The following MARCHF6 variants were observed in gnomAD, a reference collection of about 807,000 sequenced individuals.
MARCHF6 encodes membrane associated ring-CH-type finger 6.
In MARCHF6, 31 loss-of-function variants were observed where a neutral mutation model predicts 133.7. That is an observed-to-expected ratio of 0.23 (90% CI 0.17 to 0.31). MARCHF6 has a LOEUF of 0.31. Among genes scored for constraint, MARCHF6 ranks in the 10% least tolerant of loss-of-function variants. The pLI, the probability that MARCHF6 is intolerant of heterozygous loss-of-function variation, is 1.00. For synonymous variants in MARCHF6, 395 were observed against 402.5 expected (o/e 0.98, Z 0.22); for missense variants, 723 against 1,121.6 (o/e 0.64, Z 5.08).
intron 1 of MARCHF6, among the ~76,000 whole-genome samples, chr5:10,362,207 A>G (rs942676002): frequency 6.6e-6 from 1 of 152,250 alleles, no homozygotes; most frequent in Admixed American, 6.5e-5. Flanking sequence ...AACACTTTTG[A>G]AATAGAATAT....
At chr5:10,379,926 G>GT (rs1737027229) in intron 3 of MARCHF6, among the ~76,000 whole-genome samples, 1 of 151,892 alleles carries the variant, frequency 6.6e-6, no homozygotes. Context: ...TTAAATTACC[G>GT]TTTTTTTCAT....
chr5:10,404,046 T>C (rs1378807515), intron 15 of MARCHF6, among the ~76,000 whole-genome samples: 2 of 133,664 alleles, frequency 1.5e-5, no homozygotes, highest in African/African-American at 2.5e-5. Context: ...TTTATTTATT[T>C]ATTTATTTAT....
At chr5:10,407,965 C>CCCCA (rs1739006905) in intron 17 of MARCHF6, among the ~76,000 whole-genome samples, 1 of 97,712 alleles carries the variant, frequency 1.0e-5, no homozygotes, top group African/African-American at 3.4e-5. Flanking sequence ...CCCCCCCCCC[C>CCCCA]AAAAAAAAAA....
chr5:10,432,692 G>A (rs1180172860), intron 25 of MARCHF6, among the ~76,000 whole-genome samples: 2 of 152,192 alleles, frequency 1.3e-5, no homozygotes, highest in African/African-American at 4.8e-5. Context: ...GCAGCCCTGT[G>A]GCCTTTGCCA....
At chr5:10,432,254 C>T (rs1740407639) in intron 25 of MARCHF6, among the ~76,000 whole-genome samples, 1 of 152,200 alleles carries the variant, frequency 6.6e-6, no homozygotes, top group Admixed American at 6.5e-5. Context: ...GGGCTGCATA[C>T]ACTTTCCCTT....
chr5:10,403,355 T>A, intron 14 of MARCHF6, 52 bp from the exon 15 acceptor site: 1 of 1,555,852 alleles, frequency 6.4e-7, no homozygotes. Context: ...AAATGTTAAC[T>A]TGGCAAATGT....
intron 22 of MARCHF6, among the ~76,000 whole-genome samples, chr5:10,418,078 T>G (rs144800931): frequency 6.6e-6 from 1 of 152,274 alleles, no homozygotes; most frequent in African/African-American, 2.4e-5. Flanking sequence ...AGTCACAGAT[T>G]CATTAAAAAG....
At position 10,436,957 on chromosome 5, in the gene MARCHF6, G is replaced by T. The variant is rs1032576168; in HGVS notation, c.*3273G>T. ...TTCTTTCCCTTATTCAAGTAATATA[G>T]AATAACTTTCCTTAAAATGATTTGA... is the stretch of plus-strand genomic sequence containing the variant. On this transcript the variant is annotated 3_prime_UTR_variant, in exon 26 of 26. Coordinates refer to ENST00000274140, the MANE Select transcript of MARCHF6 (RefSeq NM_005885.4). 2.0e-5 allele frequency: 3 copies of T among 152,204 alleles called. No homozygotes were observed. Among genetic ancestry groups the T allele is most frequent in the Non-Finnish European group, 4.4e-5 (3 of 68,042 alleles). 9.4% of individuals were successfully genotyped at this position (152,204 alleles called of 1,614,324 possible).
At chr5:10,375,196 C>G (rs1736699115) in intron 1 of MARCHF6, among the ~76,000 whole-genome samples, 1 of 152,230 alleles carries the variant, frequency 6.6e-6, no homozygotes, top group East Asian at 1.9e-4. Context: ...GCGTGCAGCG[C>G]TTGCGGGCCA....
intron 1 of MARCHF6, among the ~76,000 whole-genome samples, chr5:10,360,736 C>G (rs1282070330): frequency 6.6e-6 from 1 of 152,156 alleles, no homozygotes; most frequent in Non-Finnish European, 1.5e-5. Flanking sequence ...ATCCAGGTAG[C>G]TGGGTGGTGG....
chr5:10,411,570 G>C (rs748029792), intron 19 of MARCHF6, 33 bp downstream of exon 19: 2 of 1,528,210 alleles, frequency 1.3e-6, no homozygotes, highest in Non-Finnish European at 1.8e-6. Flanking sequence ...CACATATAGA[G>C]GTTTTTTTGG....
chr5:10,376,095 C>T (rs999216994), intron 1 of MARCHF6, among the ~76,000 whole-genome samples: 8 of 152,288 alleles, frequency 5.3e-5, no homozygotes, highest in Non-Finnish European at 1.0e-4. Flanking sequence ...AGCAGGCTGC[C>T]GGAGCCAGCA....
intron 2 of MARCHF6, among the ~76,000 whole-genome samples, chr5:10,378,452 A>G (rs768758214): frequency 6.6e-6 from 1 of 152,234 alleles, no homozygotes; most frequent in Non-Finnish European, 1.5e-5. Context: ...CAGTATTATC[A>G]GACCAGGATT....
intron 18 of MARCHF6, among the ~76,000 whole-genome samples, chr5:10,410,568 A>G (rs1240471339): frequency 6.6e-6 from 1 of 151,620 alleles, no homozygotes; most frequent in African/African-American, 2.4e-5. Flanking sequence ...AAAACAAACC[A>G]GTTTACCTTT....
chr5:10,392,943 A>C (rs1414687689), intron 7 of MARCHF6, among the ~76,000 whole-genome samples: 1 of 152,174 alleles, frequency 6.6e-6, no homozygotes, highest in Non-Finnish European at 1.5e-5. Flanking sequence ...ACTGTGACCA[A>C]AACATTAGGC....
In MARCHF6 at chr5:10,394,780, T is replaced by C. The variant is rs1738077324; in HGVS notation, c.856T>C (p.Phe286Leu). The C allele has an allele frequency of 6.3e-7, 1 of 1,588,710 alleles. No individual in the cohort carries two copies. Among genetic ancestry groups the C allele is most frequent in the Non-Finnish European group, 8.6e-7 (1 of 1,162,610 alleles). The change falls in exon 9 of 26, where the codon TTT becomes CTT. Residue 286 changes from phenylalanine to leucine, a missense_variant. Physicochemically the swap from Phe to Leu is conservative, Grantham distance 22 (BLOSUM62 0). Coordinates refer to ENST00000274140, the MANE Select transcript of MARCHF6 (RefSeq NM_005885.4). ...RMLGLDGSLV[F>L]LEHVFWVVSL... ...GCTAGGACTTGATGGATCACTAGTT[T>C]TTCTGGTAAGTAAAACTAATTTTTT...
chr5:10,379,644 G>A (rs879705886), intron 3 of MARCHF6, among the ~76,000 whole-genome samples: 1 of 152,066 alleles, frequency 6.6e-6, no homozygotes, highest in African/African-American at 2.4e-5. Flanking sequence ...TGTATTTTTA[G>A]TAGAGACGGG....
At chr5:10,408,602 G>C (rs1739044024) in intron 17 of MARCHF6, among the ~76,000 whole-genome samples, 1 of 152,196 alleles carries the variant, frequency 6.6e-6, no homozygotes, top group African/African-American at 2.4e-5. Flanking sequence ...GCAGTGGTAT[G>C]ATCATGGCTC....
chr5:10,391,453 T>C, intron 6 of MARCHF6, 89 bp from the exon 7 acceptor site: 1 of 551,868 alleles, frequency 1.8e-6, no homozygotes, highest in East Asian at 4.5e-5. Flanking sequence ...TTTTTTTTTT[T>C]TTTTTTTTTT....
Sources: gnomAD v4.1 joint callset for allele counts (sites outside exome capture counted in the v4.1 genomes callset) on GRCh38, gnomAD v4.1.1 for gene constraint, MANE v1.5 for transcripts, NCBI Gene and HGNC (gene_info 2026-07-23, HGNC 2026-07-21) for gene names.